UBE2E2: variants seen among roughly 807,000 people sequenced by gnomAD.
UBE2E2 encodes ubiquitin conjugating enzyme E2 E2.
In UBE2E2, 6 loss-of-function variants were observed where a neutral mutation model predicts 24.7. The observed-to-expected ratio is 0.24, with a 90% CI of 0.13 to 0.48. UBE2E2 has a LOEUF of 0.48. Among genes scored for constraint, UBE2E2 ranks in the 20% least tolerant of loss-of-function variants. The probability of loss-of-function intolerance (pLI) is 0.99; values close to 1 mark genes in which losing one functional copy is unlikely to be tolerated. For missense variants in UBE2E2, 169 were observed against 245.0 expected, an observed-to-expected ratio of 0.69 and a Z score of 2.07; for synonymous variants, 104 against 83.6, an observed-to-expected ratio of 1.24 and a Z score of -1.33.
At chr3:23,415,102 T>C (rs943254103) in intron 3 of UBE2E2, among the ~76,000 whole-genome samples, 1 of 152,246 alleles carries the variant, frequency 6.6e-6, no homozygotes, top group African/African-American at 2.4e-5. Context: ...AAGATATTTC[T>C]GGGTGTCACA....
chr3:23,288,562 T>A (rs989043354), intron 3 of UBE2E2, among the ~76,000 whole-genome samples: 1 of 152,226 alleles, frequency 6.6e-6, no homozygotes, highest in African/African-American at 2.4e-5. Flanking sequence ...TCTCTTTAGC[T>A]CAACAATATT....
At chr3:23,408,288 T>G (rs944416345) in intron 3 of UBE2E2, among the ~76,000 whole-genome samples, 6 of 152,212 alleles carry the variant, frequency 3.9e-5, no homozygotes, top group Non-Finnish European at 8.8e-5. Flanking sequence ...CTCCTTTTTT[T>G]TGTGCTAATG....
At chr3:23,508,913 A>C (rs1219061016) in intron 4 of UBE2E2, among the ~76,000 whole-genome samples, 1 of 152,230 alleles carries the variant, frequency 6.6e-6, no homozygotes, top group East Asian at 1.9e-4. Context: ...TTCAGGGCTC[A>C]GAAAAGGTTC....
chr3:23,298,901 GT>G lies in UBE2E2; in HGVS notation c.227+81590del, dbSNP rs570341407. Among the ~76,000 whole-genome samples, 47 of 152,306 alleles carry G rather than the reference GT, an allele frequency of 3.1e-4. 1 individual carries two copies. In the East Asian group the frequency reaches 7.5e-3, roughly 24 times the overall value. ...TTTGTACCTCTGGTAGAATTTGGCT[GT>G]GAATTCATCTGGTCCTGGACTTTTT... On this transcript the variant is annotated intron_variant, in intron 3 of 5. Transcript: ENST00000396703.
At chr3:23,341,508 C>A (rs1695386903) in intron 3 of UBE2E2, among the ~76,000 whole-genome samples, 1 of 152,142 alleles carries the variant, frequency 6.6e-6, no homozygotes, top group African/African-American at 2.4e-5. Context: ...CTAGAATCTT[C>A]AAGACCACAA....
chr3:23,554,741 C>T (rs1695733819), intron 5 of UBE2E2, among the ~76,000 whole-genome samples: 1 of 152,018 alleles, frequency 6.6e-6, no homozygotes. Context: ...CATCAAACTG[C>T]AAAACTTCTC....
intron 3 of UBE2E2, among the ~76,000 whole-genome samples, chr3:23,297,261 C>T (rs1470216606): frequency 1.9e-4 from 29 of 151,772 alleles, no homozygotes; most frequent in Admixed American, 1.9e-3. Flanking sequence ...CTGTAGGTTG[C>T]CTGTTCACTC....
intron 3 of UBE2E2, among the ~76,000 whole-genome samples, chr3:23,396,118 G>A (rs1212364293): frequency 9.9e-5 from 15 of 151,344 alleles, no homozygotes; most frequent in Non-Finnish European, 5.9e-5. Flanking sequence ...TCTATATTTA[G>A]TTATTTCACA....
At chr3:23,526,288 A>T (rs1694995987) in intron 4 of UBE2E2, among the ~76,000 whole-genome samples, 1 of 152,214 alleles carries the variant, frequency 6.6e-6, no homozygotes, top group Non-Finnish European at 1.5e-5. Flanking sequence ...CCTGTAGGAA[A>T]ATTTAGTAAA....
intron 4 of UBE2E2, among the ~76,000 whole-genome samples, chr3:23,512,455 A>ACCAGTCCTCCTGAGCTCAC: frequency 6.6e-6 from 1 of 151,938 alleles, no homozygotes; most frequent in Non-Finnish European, 1.5e-5. Flanking sequence ...CCTGAGCTCA[A>ACCAGTCCTCCTGAGCTCAC]CCAGTCCTCC....
At chr3:23,307,975 A>G (rs1018242445) in intron 3 of UBE2E2, among the ~76,000 whole-genome samples, 5 of 152,086 alleles carry the variant, frequency 3.3e-5, no homozygotes, top group Non-Finnish European at 5.9e-5. Context: ...ATTTCTCCCA[A>G]CTTACCAAGT....
chr3:23,303,193 C>T (rs6774587), intron 3 of UBE2E2, among the ~76,000 whole-genome samples: 25,751 of 151,796 alleles, frequency 0.17, 2,416 homozygotes, highest in Non-Finnish European at 0.21. Flanking sequence ...GTCACTGTCT[C>T]CCGTCACCCC....
intron 4 of UBE2E2, among the ~76,000 whole-genome samples, chr3:23,512,721 G>C (rs1414021397): frequency 6.6e-6 from 1 of 152,126 alleles, no homozygotes; most frequent in Non-Finnish European, 1.5e-5. Flanking sequence ...AAGACGGCCA[G>C]ATCACCTGAA....
At chr3:23,270,216 C>T (rs1698198096) in intron 3 of UBE2E2, among the ~76,000 whole-genome samples, 2 of 149,110 alleles carry the variant, frequency 1.3e-5, no homozygotes, top group Admixed American at 6.8e-5. Context: ...GTAGTGGGCT[C>T]TCCCTGTCAC....
chr3:23,379,976 C>T (rs1696625378), intron 3 of UBE2E2, among the ~76,000 whole-genome samples: 2 of 151,488 alleles, frequency 1.3e-5, no homozygotes, highest in Non-Finnish European at 2.9e-5. Flanking sequence ...GTCTTTCTCC[C>T]AGATACTGTC....
chr3:23,382,585 C>T (rs1411924509), intron 3 of UBE2E2, among the ~76,000 whole-genome samples: 2 of 152,178 alleles, frequency 1.3e-5, no homozygotes, highest in Non-Finnish European at 2.9e-5. Context: ...AAATTTTTAT[C>T]TTGAGCGAAG....
chr3:23,543,145 C>A (rs1330747595), intron 5 of UBE2E2, among the ~76,000 whole-genome samples: 1 of 152,134 alleles, frequency 6.6e-6, no homozygotes, highest in African/African-American at 2.4e-5. Context: ...GAGACCCTGT[C>A]GCTACAAAAC....
At chr3:23,293,823 A>C (rs1698835186) in intron 3 of UBE2E2, among the ~76,000 whole-genome samples, 1 of 152,158 alleles carries the variant, frequency 6.6e-6, no homozygotes, top group Admixed American at 6.6e-5. Context: ...TTGTTTTTTA[A>C]ATTCAGCTTT....
chr3:23,516,492 G>A (rs1205039692), intron 4 of UBE2E2, among the ~76,000 whole-genome samples: 4 of 152,088 alleles, frequency 2.6e-5, no homozygotes, highest in Admixed American at 1.3e-4. Flanking sequence ...AAAAAATCTT[G>A]TTCCTCCACT....
Sources: allele counts gnomAD v4.1 joint callset (sites outside exome capture counted in the v4.1 genomes callset), GRCh38; gene constraint gnomAD v4.1.1; transcripts MANE v1.5; gene names NCBI Gene and HGNC (gene_info 2026-07-23, HGNC 2026-07-21).